The following ZNF682 variants were observed in gnomAD, a reference collection of about 807,000 sequenced individuals.
The protein encoded by ZNF682 is zinc finger protein 682.
A neutral mutation model predicts 36.5 loss-of-function variants in ZNF682; 29 were observed. That is an observed-to-expected ratio of 0.80 (90% CI 0.59 to 1.08). The LOEUF (loss-of-function observed/expected upper bound fraction) is 1.08. Among genes scored for constraint, ZNF682 ranks in the 50% least tolerant of loss-of-function variants. ZNF682 has a pLI of 0.00. For missense variants in ZNF682, 561 were observed against 579.7 expected (o/e 0.97, Z 0.33); for synonymous variants, 180 against 197.0 (o/e 0.91, Z 0.72).
downstream of ZNF682, among the ~76,000 whole-genome samples, chr19:19,996,639 C>A (rs1397053608): frequency 6.6e-6 from 1 of 152,054 alleles, no homozygotes; most frequent in Non-Finnish European, 1.5e-5. Flanking sequence ...TATGAGGATG[C>A]AAAGGCATAA....
At chr19:20,022,284 C>T (rs2088391666) in intron 3 of ZNF682, among the ~76,000 whole-genome samples, 2 of 151,732 alleles carry the variant, frequency 1.3e-5, no homozygotes, top group African/African-American at 4.8e-5. Flanking sequence ...GAACCAAATA[C>T]CGTTATCACG....
chr19:20,016,826 A>G (rs1328878443), intron 3 of ZNF682, among the ~76,000 whole-genome samples: 4 of 152,296 alleles, frequency 2.6e-5, no homozygotes, highest in Admixed American at 1.3e-4. Context: ...ACAATTCTCT[A>G]CTATAATAAT....
intron 2 of ZNF682, 44 bp downstream of exon 2, chr19:20,024,206 A>C: frequency 6.2e-7 from 1 of 1,609,660 alleles, no homozygotes; most frequent in Non-Finnish European, 8.5e-7. Flanking sequence ...AGAAAATAAA[A>C]TCTTTTGTGT....
At chr19:20,033,670 A>T in intron 1 of ZNF682, 3 of 152,658 alleles carry the variant, frequency 2.0e-5, no homozygotes, top group Non-Finnish European at 2.9e-5. Context: ...CTCCTCCCTC[A>T]GCCTCTCGAG....
At position 20,017,473 on chromosome 19, in the gene ZNF682, T is replaced by C. The variant is rs535114780; in HGVS notation, c.226+5531A>G. 5.9e-5 allele frequency among the ~76,000 whole-genome samples: 9 copies of C among 152,252 alleles called. No individual in the cohort carries two copies. The South Asian group carries it at 1.9e-3, about 32-fold the overall frequency. On this transcript the variant is annotated intron_variant, in intron 3 of 3. Transcript: ENST00000397165. ...TTACAAAAGATAAAGATTGGTATTATATAATGGCAAAATGGATCCATTTAC... is the reference window on the plus strand; with the variant it reads ...TTACAAAAGATAAAGATTGGTATTACATAATGGCAAAATGGATCCATTTAC...
rs554013135 is a variant in ZNF682 at position 20,029,038 on chromosome 19, G to A, written c.4-4662C>T. 2.7e-5 allele frequency among the ~76,000 whole-genome samples: 4 copies of A among 149,332 alleles called. No homozygotes were observed. The South Asian group carries it at 6.4e-4, about 24-fold the overall frequency. ...GTGTTGCCCAGGCTGGAGGGCAGTG[G>A]CACGATCTTGGCTCACTGCAATTTC... On this transcript the variant is annotated intron_variant, in intron 1 of 3. Coordinates refer to ENST00000397165, the MANE Select transcript of ZNF682 (RefSeq NM_033196.3).
chr19:20,024,504 T>C (rs1160571223), intron 1 of ZNF682, 128 bp from the exon 2 acceptor site: 18 of 1,140,866 alleles, frequency 1.6e-5, no homozygotes, highest in Non-Finnish European at 2.2e-5. Flanking sequence ...TTTTAACAAA[T>C]ATATTCTCTG....
chr19:20,007,305 CT>C, intron 3 of ZNF682, 30 bp from the exon 4 acceptor site: 1 of 1,546,338 alleles, frequency 6.5e-7, no homozygotes, highest in Non-Finnish European at 8.7e-7. Flanking sequence ...AAATATCCCA[CT>C]TGTTATTTTC....
chr19:20,009,987 T>C (rs951293827), intron 3 of ZNF682, among the ~76,000 whole-genome samples: 6 of 151,316 alleles, frequency 4.0e-5, no homozygotes, highest in Non-Finnish European at 7.4e-5. Context: ...ACCACTGCAC[T>C]CCAGGCTGGG....
chr19:20,015,649 T>G, intron 3 of ZNF682: 2 of 385,316 alleles, frequency 5.2e-6, no homozygotes, highest in Non-Finnish European at 9.1e-6. Flanking sequence ...TGACTGGCTA[T>G]CCATAAAAAG....
chr19:20,023,280 T>C (rs781052162), intron 2 of ZNF682, among the ~76,000 whole-genome samples, 181 bp from the exon 3 acceptor site: 5 of 152,120 alleles, frequency 3.3e-5, no homozygotes, highest in Non-Finnish European at 5.9e-5. Flanking sequence ...AGGCACATCA[T>C]GAGGTCAGGA....
chr19:19,997,080 A>C (rs545131941), exon 4 of ZNF682: 2 of 395,836 alleles, frequency 5.1e-6, no homozygotes, highest in Non-Finnish European at 8.9e-6. Flanking sequence ...AAAAAAAAAA[A>C]ACCCAGAATA....
chr19:20,003,259 C>G (rs1248985068), downstream of ZNF682, among the ~76,000 whole-genome samples: 1 of 147,846 alleles, frequency 6.8e-6, no homozygotes, highest in Non-Finnish European at 1.5e-5. Flanking sequence ...TTAGAGTTCT[C>G]CAATTGAAAA....
downstream of ZNF682, among the ~76,000 whole-genome samples, chr19:19,996,201 A>C (rs2088128159): frequency 6.6e-6 from 1 of 152,224 alleles, no homozygotes; most frequent in African/African-American, 2.4e-5. Context: ...TTCATCAACT[A>C]TTGAGGAGTC....
Position 20,006,105 on chromosome 19 carries a change from G to A in ZNF682, c.1397C>T (p.Ser466Leu), listed in dbSNP as rs372296532. 2.0e-5 allele frequency: 32 copies of A among 1,613,968 alleles called. No homozygotes were observed. Among genetic ancestry groups the A allele is most frequent in the Non-Finnish European group, 2.7e-5 (32 of 1,179,970 alleles). ...EECGKAFKRC[S>L]HLNEHKRVQR... ...AACTCTCTTATGTTCATTAAGATGTGAGCACCGTTTAAAAGCTTTGCCACA... is the reference window on the plus strand; with the variant it reads ...AACTCTCTTATGTTCATTAAGATGTAAGCACCGTTTAAAAGCTTTGCCACA... Residue 466 changes from serine (S) to leucine (L), a missense_variant, in exon 4 of 4, where the codon TCA becomes TTA. By Grantham distance (145) the Ser-to-Leu change is moderately radical (BLOSUM62 -2). Coordinates refer to ENST00000397165, the MANE Select transcript of ZNF682 (RefSeq NM_033196.3).
In ZNF682 at chr19:20,004,544, C is replaced by G. The variant is rs1477227969; in HGVS notation, c.*1461G>C. On this transcript the variant is annotated 3_prime_UTR_variant, in exon 4 of 4. Coordinates refer to ENST00000397165, the MANE Select transcript of ZNF682 (RefSeq NM_033196.3). The stretch of plus-strand genomic sequence containing the variant: ...AATTTACTAAAATTTGAATAATGCA[C>G]AAGACTATTACTCTGAACATCTATC... 1 of 152,198 alleles carries G rather than the reference C, an allele frequency of 6.6e-6. No homozygotes were observed. Among genetic ancestry groups the G allele is most frequent in the Non-Finnish European group, 1.5e-5 (1 of 68,020 alleles). 9.4% of individuals were successfully genotyped at this position (152,198 alleles called of 1,614,324 possible). A position where few individuals can be genotyped will look rare whatever the true frequency, so the allele number is the denominator to read the frequency against.
At chr19:19,995,177 T>C (rs1384190832), downstream of ZNF682, among the ~76,000 whole-genome samples, 1 of 152,164 alleles carries the variant, frequency 6.6e-6, no homozygotes, top group African/African-American at 2.4e-5. Flanking sequence ...AATGCAGATA[T>C]AATAAACAAA....
At position 20,006,517 on chromosome 19, in the gene ZNF682, T is replaced by G. The variant is rs761400783; in HGVS notation, c.985A>C (p.Thr329Pro). 1 of 1,614,018 alleles carries G rather than the reference T, an allele frequency of 6.2e-7. No homozygotes were observed. The highest frequency in any genetic ancestry group is 1.3e-5 in the African/African-American group (1 of 74,932). Reference protein sequence around the residue: ...GKAFNHCSLLTIHERTHTGEK... With the variant: ...GKAFNHCSLLPIHERTHTGEK... ...CCCGTATGGGTTCTCTCATGTATAG[T>G]AAGTAGTGAGCAGTGGTTAAAGGCT... is the stretch of plus-strand genomic sequence containing the variant. Residue 329 changes from threonine to proline, a missense_variant, in exon 4 of 4, where the codon ACT (threonine) becomes CCT (proline). Coordinates refer to ENST00000397165, the MANE Select transcript of ZNF682 (RefSeq NM_033196.3).
At chr19:20,036,803 TAAAAAAAAAAGA>T (rs1250642619) in intron 1 of ZNF682, among the ~76,000 whole-genome samples, 11 of 29,558 alleles carry the variant, frequency 3.7e-4, no homozygotes, top group Non-Finnish European at 6.1e-4. Flanking sequence ...GCTGTCTCTA[TAAAAAAAAAAGA>T]AAAAAAAAAA....
Sources: allele counts gnomAD v4.1 joint callset (sites outside exome capture counted in the v4.1 genomes callset), GRCh38; gene constraint gnomAD v4.1.1; transcripts MANE v1.5; gene names NCBI Gene and HGNC (gene_info 2026-07-23, HGNC 2026-07-21).